The following MRPL50 variants were observed in gnomAD, a reference collection of about 807,000 sequenced individuals.
MRPL50 encodes large ribosomal subunit protein mL50.
A neutral mutation model predicts 16.2 loss-of-function variants in MRPL50; 10 were observed. That is an observed-to-expected ratio of 0.62 (90% CI 0.38 to 1.05). The LOEUF (loss-of-function observed/expected upper bound fraction) is 1.05. MRPL50 is among the 50% of genes least tolerant of loss of function. The pLI is 0.01. For synonymous variants in MRPL50, 68 were observed against 66.8 expected (o/e 1.02, Z -0.09); for missense variants, 213 against 187.1 (o/e 1.14, Z -0.81).
rs1830240569 is a variant in MRPL50, at chr9:101,389,323, A to C, written c.*1143T>G. On this transcript the variant is annotated 3_prime_UTR_variant, in exon 2 of 2. Transcript: ENST00000374865. Reference sequence around the variant, plus strand: ...ACCAATCCCCAAGGAATCAACTCTAATGTCTAAGCTCCAGAGCTCCAGGCA... The same window carrying C: ...ACCAATCCCCAAGGAATCAACTCTACTGTCTAAGCTCCAGAGCTCCAGGCA... 1 of 474,586 alleles carries C rather than the reference A, an allele frequency of 2.1e-6. No individual in the cohort carries two copies. The highest frequency in any genetic ancestry group is 9.2e-5 in the East Asian group (1 of 10,834). The allele number at this position is 474,586 out of a possible 1,614,324, so 29.4% of individuals were successfully genotyped here.
chr9:101,394,365 C>T lies in MRPL50; in HGVS notation c.93-3515G>A, dbSNP rs192861032. Among the ~76,000 whole-genome samples the T allele has an allele frequency of 1.9e-4, 29 of 152,288 alleles. No individual in the cohort carries two copies. The East Asian group carries it at 5.6e-3, about 29-fold the overall frequency. The stretch of plus-strand genomic sequence containing the variant: ...CCTGCACTCAATGGATTAGCTTACA[C>T]CACCAAAGCCGGTAATCTGGCTCAA... On this transcript the variant is annotated intron_variant, in intron 1 of 1. Coordinates refer to ENST00000374865, the MANE Select transcript of MRPL50 (RefSeq NM_019051.3).
At chr9:101,390,990 G>T in intron 1 of MRPL50, 140 bp from the exon 2 acceptor site, 1 of 909,306 alleles carries the variant, frequency 1.1e-6, no homozygotes, top group Non-Finnish European at 1.7e-6. Context: ...AATATGGTAG[G>T]CCCCTGCCCT....
Position 101,389,229 on chromosome 9 carries a change from A to C in MRPL50, c.*1237T>G, listed in dbSNP as rs1830239618. On this transcript the variant is annotated 3_prime_UTR_variant, in exon 2 of 2. Coordinates refer to ENST00000374865, the MANE Select transcript of MRPL50 (RefSeq NM_019051.3). Reference sequence around the variant, plus strand: ...GGAGGATGTGCATACATAATATGCAAATACTACATCATTTTATAAAAGGGG... The same window carrying C: ...GGAGGATGTGCATACATAATATGCACATACTACATCATTTTATAAAAGGGG... The C allele has an allele frequency of 4.4e-6, 1 of 225,958 alleles. No individual in the cohort carries two copies. Among genetic ancestry groups the C allele is most frequent in the Admixed American group, 5.7e-5 (1 of 17,672 alleles). The allele number at this position is 225,958 out of a possible 1,614,324, so 14.0% of individuals were successfully genotyped here.
chr9:101,398,525 C>T lies in MRPL50; in HGVS notation c.68G>A (p.Cys23Tyr). The change falls in exon 1 of 2, where the codon TGT becomes TAT. Residue 23 changes from cysteine to tyrosine, a missense_variant. Coordinates refer to ENST00000374865, the MANE Select transcript of MRPL50 (RefSeq NM_019051.3). Reference protein sequence around the residue: ...VFMWTVSGTPCREFWSRFRKE... With the variant: ...VFMWTVSGTPYREFWSRFRKE... The stretch of plus-strand genomic sequence containing the variant: ...CCTGAATCGAGACCAAAATTCTCTA[C>T]ATGGTGTCCCTGAGACTGTCCACAT... 1.2e-6 allele frequency: 2 copies of T among 1,614,126 alleles called. No individual in the cohort carries two copies. Among genetic ancestry groups the T allele is most frequent in the Non-Finnish European group, 1.7e-6 (2 of 1,180,014 alleles).
At chr9:101,394,241 T>C (rs981931217) in intron 1 of MRPL50, among the ~76,000 whole-genome samples, 1 of 152,198 alleles carries the variant, frequency 6.6e-6, no homozygotes, top group Non-Finnish European at 1.5e-5. Context: ...TAGGGGTCAT[T>C]CAGACTCCGG....
chr9:101,397,249 C>A (rs1014005923), intron 1 of MRPL50, among the ~76,000 whole-genome samples: 15 of 152,088 alleles, frequency 9.9e-5, no homozygotes, highest in African/African-American at 3.6e-4. Flanking sequence ...TTACTTGAGT[C>A]CAGGAGTTCA....
intron 1 of MRPL50, among the ~76,000 whole-genome samples, chr9:101,395,542 T>TA (rs896295665): frequency 2.6e-5 from 4 of 151,900 alleles, no homozygotes; most frequent in African/African-American, 9.7e-5. Flanking sequence ...GAATGGATAT[T>TA]AAAAAAACCG....
intron 1 of MRPL50, among the ~76,000 whole-genome samples, 190 bp from the exon 2 acceptor site, chr9:101,391,040 A>G (rs1002204684): frequency 6.6e-6 from 1 of 152,114 alleles, no homozygotes; most frequent in African/African-American, 2.4e-5. Flanking sequence ...AGAGACAGAA[A>G]GAAACTAAGT....
chr9:101,393,608 A>C (rs1259786993), intron 1 of MRPL50, among the ~76,000 whole-genome samples: 1 of 152,130 alleles, frequency 6.6e-6, no homozygotes, highest in Non-Finnish European at 1.5e-5. Context: ...GAATACAAAA[A>C]TCAACATACA....
In MRPL50 at chr9:101,389,981, T is replaced by C. The variant is rs1830248122; in HGVS notation, c.*485A>G. On this transcript the variant is annotated 3_prime_UTR_variant, in exon 2 of 2. Coordinates refer to ENST00000374865, the MANE Select transcript of MRPL50 (RefSeq NM_019051.3). ...AACACACAATACACTTTAACAAATC[T>C]ACTTTAATTCTAAAAGAAATTAATC... 1.1e-6 allele frequency: 1 copy of C among 917,372 alleles called. No homozygotes were observed. The highest frequency in any genetic ancestry group is 1.8e-5 in the African/African-American group (1 of 55,584). The allele number at this position is 917,372 out of a possible 1,614,324, so 56.8% of individuals were successfully genotyped here. A position where few individuals can be genotyped will look rare whatever the true frequency, so the allele number is the denominator to read the frequency against.
At chr9:101,393,538 A>G (rs906213382) in intron 1 of MRPL50, among the ~76,000 whole-genome samples, 11 of 151,996 alleles carry the variant, frequency 7.2e-5, no homozygotes, top group Admixed American at 7.2e-4. Context: ...TCTTGTATTT[A>G]GAAAAACCTA....
At chr9:101,391,376 T>C (rs1830268264) in intron 1 of MRPL50, among the ~76,000 whole-genome samples, 1 of 152,102 alleles carries the variant, frequency 6.6e-6, no homozygotes, top group Admixed American at 6.6e-5. Context: ...GAATCAAATA[T>C]AATTGTGATT....
chr9:101,394,859 C>T (rs1010769870), intron 1 of MRPL50, among the ~76,000 whole-genome samples: 1 of 152,006 alleles, frequency 6.6e-6, no homozygotes, highest in African/African-American at 2.4e-5. Context: ...TGCTTCAGGA[C>T]TTTGGTCTGG....
At chr9:101,393,189 C>T (rs10989487) in intron 1 of MRPL50, among the ~76,000 whole-genome samples, 32,207 of 151,956 alleles carry the variant, frequency 0.21, 3,783 homozygotes, top group East Asian at 0.34. Context: ...AAACTGGATA[C>T]TGAAGGAACA....
rs1255082924 is a variant in MRPL50 at position 101,389,390 on chromosome 9, T to C, written c.*1076A>G. 1 of 1,104,746 alleles carries C rather than the reference T, an allele frequency of 9.1e-7. No individual in the cohort carries two copies. The highest frequency in any genetic ancestry group is 1.2e-6 in the Non-Finnish European group (1 of 830,616). 68.4% of individuals were successfully genotyped at this position (1,104,746 alleles called of 1,614,324 possible). ...TCTTGAATGAAGTGCCTGTGGATGA[T>C]ATTTGTAGGGCATGTCTATACTGTT... On this transcript the variant is annotated 3_prime_UTR_variant, in exon 2 of 2. Transcript: ENST00000374865.
chr9:101,392,812 C>T (rs1830290392), intron 1 of MRPL50, among the ~76,000 whole-genome samples: 1 of 151,828 alleles, frequency 6.6e-6, no homozygotes, highest in Admixed American at 6.6e-5. Context: ...ACCCTGAGGC[C>T]AAAACCAGAC....
intron 1 of MRPL50, among the ~76,000 whole-genome samples, chr9:101,392,492 T>G (rs1830286429): frequency 6.6e-6 from 1 of 151,924 alleles, no homozygotes; most frequent in South Asian, 2.1e-4. Flanking sequence ...AAAGGCTAAT[T>G]AGAGATTGTT....
Position 101,398,408 on chromosome 9 carries a change from G to A in MRPL50, c.92+93C>T, listed in dbSNP as rs770742180. Reference sequence around the variant, plus strand: ...CTTGTCCTTGCTCTGATCAGGCGCGGGACCACGATGGCGTAACACTCTATT... The same window carrying A: ...CTTGTCCTTGCTCTGATCAGGCGCGAGACCACGATGGCGTAACACTCTATT... On this transcript the variant is annotated intron_variant, in intron 1 of 1. Coordinates refer to ENST00000374865, the MANE Select transcript of MRPL50 (RefSeq NM_019051.3). 2.7e-4 allele frequency: 338 copies of A among 1,235,942 alleles called. 4 individuals are homozygous for A. Among genetic ancestry groups the A allele is most frequent in the Middle Eastern group, 1.7e-3 (9 of 5,240 alleles). The allele number at this position is 1,235,942 out of a possible 1,614,324, so 76.6% of individuals were successfully genotyped here. A position where few individuals can be genotyped will look rare whatever the true frequency, so the allele number is the denominator to read the frequency against.
chr9:101,389,386 A>G lies in MRPL50; in HGVS notation c.*1080T>C. ...AAGTTCTTGAATGAAGTGCCTGTGG[A>G]TGATATTTGTAGGGCATGTCTATAC... is the stretch of plus-strand genomic sequence containing the variant. On this transcript the variant is annotated 3_prime_UTR_variant, in exon 2 of 2. Coordinates refer to ENST00000374865, the MANE Select transcript of MRPL50 (RefSeq NM_019051.3). 1 of 1,068,436 alleles carries G rather than the reference A, an allele frequency of 9.4e-7. No individual in the cohort carries two copies. Among genetic ancestry groups the G allele is most frequent in the South Asian group, 1.4e-5 (1 of 72,730 alleles). 66.2% of individuals were successfully genotyped at this position (1,068,436 alleles called of 1,614,324 possible).
Sources: allele counts gnomAD v4.1 joint callset (sites outside exome capture counted in the v4.1 genomes callset), GRCh38; gene constraint gnomAD v4.1.1; transcripts MANE v1.5; gene names NCBI Gene and HGNC (gene_info 2026-07-23, HGNC 2026-07-21).